PCSK1: variants seen among roughly 807,000 people sequenced by gnomAD.
The protein encoded by PCSK1 is neuroendocrine convertase 1.
A neutral mutation model predicts 90.6 loss-of-function variants in PCSK1; 56 were observed. The observed-to-expected ratio is 0.62, with a 90% CI of 0.50 to 0.77. The LOEUF is 0.77. Ranked by LOEUF, PCSK1 falls within the 30% of genes least tolerant of loss-of-function variation. PCSK1 has a pLI of 0.00. For synonymous variants in PCSK1, 348 were observed against 342.4 expected (o/e 1.02, Z -0.18); for missense variants, 801 against 932.6 (o/e 0.86, Z 1.84).
intron 11 of PCSK1, among the ~76,000 whole-genome samples, chr5:96,397,950 A>G (rs1425710334): frequency 1.3e-5 from 2 of 151,954 alleles, no homozygotes; most frequent in Admixed American, 1.3e-4. Context: ...AATCATAATT[A>G]TTTAATTAAT....
chr5:96,399,669 G>A (rs1482224169), intron 10 of PCSK1, among the ~76,000 whole-genome samples: 1 of 152,158 alleles, frequency 6.6e-6, no homozygotes, highest in Admixed American at 6.5e-5. Context: ...TCTTAAAACT[G>A]ATGGGTGGTT....
At chr5:96,417,178 T>C (rs1455775532) in intron 5 of PCSK1, among the ~76,000 whole-genome samples, 2 of 152,190 alleles carry the variant, frequency 1.3e-5, no homozygotes, top group African/African-American at 4.8e-5. Flanking sequence ...AATATAAAAT[T>C]CCTAAATTGA....
At chr5:96,405,119 T>C (rs1230333744) in intron 9 of PCSK1, among the ~76,000 whole-genome samples, 1 of 152,148 alleles carries the variant, frequency 6.6e-6, no homozygotes. Context: ...AAATGTTCAA[T>C]TGAGAACAGA....
In PCSK1 at chr5:96,433,244, T is replaced by TGAGTGGAGCCCCAGCCC; in HGVS notation, c.-203_-202insGGGCTGGGGCTCCACTC. The TGAGTGGAGCCCCAGCCC allele has an allele frequency of 1.6e-6, 1 of 614,294 alleles. No individual in the cohort carries two copies. The highest frequency in any genetic ancestry group is 2.9e-6 in the Non-Finnish European group (1 of 342,630). 38.1% of individuals were successfully genotyped at this position (614,294 alleles called of 1,614,324 possible). A position where few individuals can be genotyped will look rare whatever the true frequency, so the allele number is the denominator to read the frequency against. On this transcript the variant is annotated 5_prime_UTR_variant, in exon 1 of 14. Transcript: ENST00000311106. ...CAGTGAAGCGCTTCGGTCTCCAGGC[T>TGAGTGGAGCCCCAGCCC]GAGTGGAGCCCCAGCCCTTCCCAGC... is the stretch of plus-strand genomic sequence containing the variant.
rs760915132 is a variant in PCSK1, at chr5:96,423,433, C to T, written c.423G>A (p.Leu141=). The change falls in exon 4 of 14, where the codon CTG becomes CTA. Residue 141 remains leucine, a synonymous_variant. Coordinates refer to ENST00000311106, the MANE Select transcript of PCSK1 (RefSeq NM_000439.5). ...GTATCACATGAAGGTCCAGCTTGGG[C>T]AGGGCTGCCGTCATCCTGGTATCTT... ...YLQDTRMTAA[L]PKLDLHVIPV... The T allele has an allele frequency of 9.9e-6, 16 of 1,613,966 alleles. No individual in the cohort carries two copies. In the Admixed American group the frequency reaches 2.7e-4, roughly 27 times the overall value.
At chr5:96,425,020 G>GAAAGA (rs1761248172) in intron 3 of PCSK1, among the ~76,000 whole-genome samples, 1 of 59,064 alleles carries the variant, frequency 1.7e-5, no homozygotes, top group East Asian at 4.9e-4. Flanking sequence ...AAGAAAGAAA[G>GAAAGA]AAAGAAAGAA....
chr5:96,397,248 C>T (rs937302277), intron 12 of PCSK1, 88 bp downstream of exon 12: 1 of 1,127,398 alleles, frequency 8.9e-7, no homozygotes, highest in Non-Finnish European at 1.3e-6. Context: ...TTCTTTAGGG[C>T]CCTAATTAAT....
chr5:96,419,705 A>G (rs1761059138), intron 5 of PCSK1, among the ~76,000 whole-genome samples: 1 of 151,886 alleles, frequency 6.6e-6, no homozygotes, highest in Non-Finnish European at 1.5e-5. Flanking sequence ...TCAGGCACAA[A>G]ACAAATAGCA....
At chr5:96,409,440 T>C (rs1005698636) in intron 8 of PCSK1, among the ~76,000 whole-genome samples, 1 of 152,204 alleles carries the variant, frequency 6.6e-6, no homozygotes, top group Non-Finnish European at 1.5e-5. Flanking sequence ...GAGATGACTA[T>C]GCTGAGGAAA....
intron 11 of PCSK1, among the ~76,000 whole-genome samples, chr5:96,397,927 T>C (rs1760217835): frequency 6.6e-6 from 1 of 151,878 alleles, no homozygotes; most frequent in South Asian, 2.1e-4. Context: ...TAATTTATTA[T>C]GCAATCATTA....
chr5:96,412,721 C>CAATACCAT (rs1365595271), intron 6 of PCSK1, among the ~76,000 whole-genome samples: 3 of 143,452 alleles, frequency 2.1e-5, no homozygotes, highest in African/African-American at 8.2e-5. Context: ...TAATACTATG[C>CAATACCAT]AATACCATGC....
chr5:96,400,270 T>A, intron 9 of PCSK1, 84 bp from the exon 10 acceptor site: 1 of 904,646 alleles, frequency 1.1e-6, no homozygotes, highest in Non-Finnish European at 1.9e-6. Context: ...AGCATCTCCA[T>A]TCAGGGATTA....
intron 9 of PCSK1, 81 bp from the exon 10 acceptor site, chr5:96,400,267 C>G: frequency 1.1e-6 from 1 of 914,386 alleles, no homozygotes; most frequent in Non-Finnish European, 1.8e-6. Context: ...ATAAGCATCT[C>G]CATTCAGGGA....
At chr5:96,432,525 A>C (rs1264208623) in intron 1 of PCSK1, among the ~76,000 whole-genome samples, 1 of 152,188 alleles carries the variant, frequency 6.6e-6, no homozygotes, top group Non-Finnish European at 1.5e-5. Context: ...GGTTGGTAAG[A>C]GCTTGAGTGT....
intron 5 of PCSK1, among the ~76,000 whole-genome samples, chr5:96,418,158 A>C (rs1451102029): frequency 6.6e-6 from 1 of 152,206 alleles, no homozygotes; most frequent in Non-Finnish European, 1.5e-5. Flanking sequence ...ATATGCATTG[A>C]CATGTTTTCC....
chr5:96,426,050 G>T, intron 2 of PCSK1, 120 bp from the exon 3 acceptor site: 1 of 703,368 alleles, frequency 1.4e-6, no homozygotes, highest in South Asian at 1.5e-5. Context: ...ATTTTCATTT[G>T]ACTACAGATT....
At chr5:96,415,239 A>G (rs933201718) in intron 6 of PCSK1, among the ~76,000 whole-genome samples, 2 of 152,188 alleles carry the variant, frequency 1.3e-5, no homozygotes, top group Admixed American at 1.3e-4. Flanking sequence ...AACTGAAGAC[A>G]CCAGCAAGAG....
intron 8 of PCSK1, among the ~76,000 whole-genome samples, chr5:96,410,183 C>A (rs1760708440): frequency 6.6e-6 from 1 of 152,122 alleles, no homozygotes; most frequent in Non-Finnish European, 1.5e-5. Flanking sequence ...GGCCGTCTGA[C>A]TCATGGAAGC....
At chr5:96,401,075 G>T (rs1399365993) in intron 9 of PCSK1, among the ~76,000 whole-genome samples, 5 of 119,072 alleles carry the variant, frequency 4.2e-5, no homozygotes, top group African/African-American at 1.8e-4. Context: ...CTAAAGAGCG[G>T]GACTCCGTCT....
Sources: gnomAD v4.1 joint callset for allele counts (sites outside exome capture counted in the v4.1 genomes callset) on GRCh38, gnomAD v4.1.1 for gene constraint, MANE v1.5 for transcripts, NCBI Gene and HGNC (gene_info 2026-07-23, HGNC 2026-07-21) for gene names.